The following STON2 variants were observed in gnomAD, a reference collection of about 807,000 sequenced individuals.
STON2 encodes stonin 2.
In STON2, 29 loss-of-function variants were observed where a neutral mutation model predicts 65.7. The observed-to-expected ratio is 0.44, with a 90% CI of 0.33 to 0.60. STON2 has a LOEUF of 0.60. Among genes scored for constraint, STON2 ranks in the 20% least tolerant of loss-of-function variants. STON2 has a pLI of 0.03. For missense variants in STON2, 1,054 were observed against 1,118.1 expected, an observed-to-expected ratio of 0.94 and a Z score of 0.82; for synonymous variants, 404 against 414.2, an observed-to-expected ratio of 0.98 and a Z score of 0.30.
At chr14:81,380,387 G>C (rs368921767) in intron 3 of STON2, among the ~76,000 whole-genome samples, 2 of 152,208 alleles carry the variant, frequency 1.3e-5, no homozygotes, top group Non-Finnish European at 2.9e-5. Context: ...ACACACTGCT[G>C]GTGGGAATGT....
At chr14:81,366,231 C>G (rs562869818) in intron 4 of STON2, among the ~76,000 whole-genome samples, 1 of 151,652 alleles carries the variant, frequency 6.6e-6, no homozygotes, top group South Asian at 2.1e-4. Flanking sequence ...AGGCTGATCA[C>G]AGAGTCTTTC....
chr14:81,409,906 T>TAACAAAAATGG (rs1435271150), intron 2 of STON2, among the ~76,000 whole-genome samples: 1 of 152,348 alleles, frequency 6.6e-6, no homozygotes, highest in African/African-American at 2.4e-5. Context: ...AACTTCTAGC[T>TAACAAAAATGG]AGTTAAACAA....
At chr14:81,288,334 A>C (rs1895419680) in intron 5 of STON2, among the ~76,000 whole-genome samples, 1 of 152,176 alleles carries the variant, frequency 6.6e-6, no homozygotes, top group Non-Finnish European at 1.5e-5. Flanking sequence ...AGTTACACAC[A>C]CCTAGGTAGT....
rs1020801270 is a variant in STON2, at chr14:81,411,195, C to T, written c.-198-12615G>A. 3.3e-5 allele frequency among the ~76,000 whole-genome samples: 5 copies of T among 152,060 alleles called. No homozygotes were observed. In the South Asian group the frequency reaches 6.2e-4, roughly 19 times the overall value. ...CAATTCAACCAGTTTTCTGGAGCAG[C>T]AGTGATCATTACACGCCAGTGATTC... On this transcript the variant is annotated intron_variant, in intron 2 of 8. Transcript: ENST00000553821.
intron 3 of STON2, among the ~76,000 whole-genome samples, chr14:81,387,231 G>C (rs1899856386): frequency 1.3e-5 from 2 of 151,576 alleles, no homozygotes; most frequent in African/African-American, 4.9e-5. Context: ...CTAGTTCAGA[G>C]TTCAATAAAT....
At position 81,353,821 on chromosome 14, in the gene STON2, G is replaced by C. The variant is rs183138371; in HGVS notation, c.571+17167C>G. Among the ~76,000 whole-genome samples, 4 of 152,196 alleles carry C rather than the reference G, an allele frequency of 2.6e-5. 1 individual carries two copies. Among genetic ancestry groups the C allele is most frequent in the Non-Finnish European group, 5.9e-5 (4 of 68,010 alleles). ...GCAAGGCAGAGCCCACAGCAAACAG[G>C]ATGTAGACCTTGGTGGTAGCTCTGT... On this transcript the variant is annotated intron_variant, in intron 4 of 7. Coordinates refer to ENST00000614646, the MANE Select transcript of STON2 (RefSeq NM_001394390.1).
At chr14:81,368,268 T>C (rs1898828358) in intron 4 of STON2, among the ~76,000 whole-genome samples, 1 of 152,214 alleles carries the variant, frequency 6.6e-6, no homozygotes, top group African/African-American at 2.4e-5. Flanking sequence ...TCTTAACAAG[T>C]TGCTTCACCT....
intron 4 of STON2, among the ~76,000 whole-genome samples, chr14:81,347,851 G>C (rs545122976): frequency 9.0e-5 from 11 of 122,480 alleles, no homozygotes; most frequent in Non-Finnish European, 1.8e-4. Context: ...TGAAACTGTA[G>C]TAAGCTATGA....
chr14:81,425,831 C>T lies in STON2; in HGVS notation c.-199+1271G>A, dbSNP rs374251314. On this transcript the variant is annotated intron_variant, in intron 2 of 8. Transcript: ENST00000553821. ...TGTAATGTTTCAATTACAGAGAAAA[C>T]GTAAGTCTCTGGCATATGTGTATAG... is the stretch of plus-strand genomic sequence containing the variant. Among the ~76,000 whole-genome samples, 455 of 152,274 alleles carry T rather than the reference C, an allele frequency of 3.0e-3. 16 individuals carry two copies. The South Asian group carries it at 0.075, about 25-fold the overall frequency.
At chr14:81,360,691 G>T (rs2140338964) in intron 4 of STON2, among the ~76,000 whole-genome samples, 1 of 152,196 alleles carries the variant, frequency 6.6e-6, no homozygotes, top group South Asian at 2.1e-4. Flanking sequence ...GCAAGAGAAA[G>T]AAATAAAAGG....
At chr14:81,292,865 A>C (rs1049236548) in intron 5 of STON2, among the ~76,000 whole-genome samples, 2 of 152,172 alleles carry the variant, frequency 1.3e-5, no homozygotes, top group Non-Finnish European at 2.9e-5. Flanking sequence ...CATGGTTCAG[A>C]GGGAAAGGAC....
chr14:81,311,250 T>C (rs1035896646), intron 5 of STON2, among the ~76,000 whole-genome samples: 1 of 152,128 alleles, frequency 6.6e-6, no homozygotes, highest in Admixed American at 6.5e-5. Flanking sequence ...GAGAAGAGTA[T>C]GGGAATAGGT....
chr14:81,278,221 G>C lies in STON2; in HGVS notation c.1261C>G (p.Gln421Glu), dbSNP rs984472001. ...GAATCATCAAAACTGATGGCATCCT[G>C]GTAGATGACAATGAGGGAATCTCTT... ...SQRDSLIVIY[Q>E]DAISFDDSSK... The change falls in exon 6 of 8, where the codon CAG (glutamine) becomes GAG (glutamate). Residue 421 changes from glutamine to glutamate, a missense_variant. Gln to Glu is a conservative substitution (Grantham distance 29). Transcript: ENST00000614646. 12 of 1,614,110 alleles carry C rather than the reference G, an allele frequency of 7.4e-6. No homozygotes were observed. The highest frequency in any genetic ancestry group is 6.7e-5 in the African/African-American group (5 of 75,026).
chr14:81,371,652 C>T (rs901206231), intron 3 of STON2, among the ~76,000 whole-genome samples: 1 of 110,890 alleles, frequency 9.0e-6, no homozygotes, highest in Non-Finnish European at 1.7e-5. Flanking sequence ...CCAGCCTGGA[C>T]AACAGAATGA....
In STON2 at chr14:81,276,958, C is replaced by T. The variant is rs140834610; in HGVS notation, c.2524G>A (p.Glu842Lys). ...CACACAATGGAGTTGAAGGCATGCT[C>T]GTACTTGGCAGTTCCCAGAGTTACT... ...MRVTLGTAKY[E>K]HAFNSIVWRI... The change falls in exon 6 of 8, where the codon GAG (glutamate) becomes AAG (lysine). Residue 842 changes from glutamate to lysine, a missense_variant. Physicochemically the swap from Glu to Lys is moderately conservative, Grantham distance 56. Coordinates refer to ENST00000614646, the MANE Select transcript of STON2 (RefSeq NM_001394390.1). 18 of 1,614,076 alleles carry T rather than the reference C, an allele frequency of 1.1e-5. No individual in the cohort carries two copies. Among genetic ancestry groups the T allele is most frequent in the Non-Finnish European group, 1.4e-5 (17 of 1,180,032 alleles).
chr14:81,371,713 TC>T (rs1899008534), intron 3 of STON2, among the ~76,000 whole-genome samples: 1 of 129,640 alleles, frequency 7.7e-6, no homozygotes, highest in African/African-American at 3.0e-5. Context: ...AAAAGTAAGG[TC>T]CCAGGACTCT....
chr14:81,386,178 G>C (rs922194696), intron 3 of STON2, among the ~76,000 whole-genome samples: 13 of 152,076 alleles, frequency 8.5e-5, no homozygotes, highest in African/African-American at 2.9e-4. Flanking sequence ...ACTCCACAAA[G>C]GTCATTAACT....
intron 4 of STON2, among the ~76,000 whole-genome samples, chr14:81,339,100 A>G (rs1326994233): frequency 6.6e-6 from 1 of 152,156 alleles, no homozygotes; most frequent in Non-Finnish European, 1.5e-5. Flanking sequence ...CAAGCAAGAA[A>G]GGGCAGGAGG....
At chr14:81,423,758 C>G (rs564296386) in intron 2 of STON2, among the ~76,000 whole-genome samples, 1 of 152,234 alleles carries the variant, frequency 6.6e-6, no homozygotes, top group African/African-American at 2.4e-5. Flanking sequence ...ATGATGTTAT[C>G]CTTGTGAACC....
Sources: allele counts gnomAD v4.1 joint callset (sites outside exome capture counted in the v4.1 genomes callset), GRCh38; gene constraint gnomAD v4.1.1; transcripts MANE v1.5; gene names NCBI Gene and HGNC (gene_info 2026-07-23, HGNC 2026-07-21).